Variants in VPS13D observed in about 807,000 individuals in gnomAD.
VPS13D encodes vacuolar protein sorting 13 homolog D, also known as intermembrane lipid transfer protein VPS13D.
Under a neutral mutation model 461.9 loss-of-function variants are expected in VPS13D, and 187 were observed. The ratio of observed to expected loss-of-function variants is 0.40; its 90% CI spans 0.36 to 0.46. VPS13D has a LOEUF of 0.46. VPS13D is among the 20% of genes least tolerant of loss of function. VPS13D has a pLI of 0.60. For missense variants in VPS13D, 4,711 were observed against 5,364.9 expected (o/e 0.88, Z 3.81); for synonymous variants, 1,951 against 1,986.3 (o/e 0.98, Z 0.47).
At chr1:12,310,857 TTCCTTCCCTCCTTCCC>T (rs1360748993) in intron 27 of VPS13D, among the ~76,000 whole-genome samples, 27 of 71,942 alleles carry the variant, frequency 3.8e-4, no homozygotes, top group Middle Eastern at 8.8e-3. Flanking sequence ...CCCTCCTTCC[TTCCTTCCCTCCTTCCC>T]TCCTTCCCTC....
At chr1:12,422,870 C>G (rs1458553078) in intron 65 of VPS13D, among the ~76,000 whole-genome samples, 2 of 141,694 alleles carry the variant, frequency 1.4e-5, no homozygotes, top group African/African-American at 2.6e-5. Context: ...TTTTTTCTTA[C>G]AGGATGTTTT....
At chr1:12,275,763 A>C in intron 18 of VPS13D, 62 bp from the exon 19 acceptor site, 3 of 1,489,190 alleles carry the variant, frequency 2.0e-6, no homozygotes, top group Non-Finnish European at 1.8e-6. Context: ...TAATTATTAC[A>C]TTAAGGGAAA....
At position 12,278,037 on chromosome 1, in the gene VPS13D, A is replaced by G. The variant is rs1641667882; in HGVS notation, c.4449A>G (p.Gln1483=). The G allele has an allele frequency of 6.2e-7, 1 of 1,606,316 alleles. No homozygotes were observed. The highest frequency in any genetic ancestry group is 8.5e-7 in the Non-Finnish European group (1 of 1,176,270). The change falls in exon 19 of 70, where the codon CAA becomes CAG. Residue 1483 remains glutamine (Q), a splice_region_variant and synonymous_variant. Transcript: ENST00000620676. Reference sequence around the variant, plus strand: ...TCTTTGAATCTTTGCATAGAGGTCAAGGTGAGGAGCATCAGTCTTTTGTTC... The same window carrying G: ...TCTTTGAATCTTTGCATAGAGGTCAGGGTGAGGAGCATCAGTCTTTTGTTC... ...HDFFESLHRG[Q]AFHILNNTTI... is the part of the protein sequence containing the mutation.
chr1:12,339,438 T>C (rs565399375), intron 40 of VPS13D, among the ~76,000 whole-genome samples: 56 of 152,188 alleles, frequency 3.7e-4, no homozygotes, highest in Non-Finnish European at 6.9e-4. Flanking sequence ...AAAATTACTG[T>C]GTGAAACAAG....
At chr1:12,443,559 G>T (rs1645154916) in intron 65 of VPS13D, among the ~76,000 whole-genome samples, 2 of 151,950 alleles carry the variant, frequency 1.3e-5, no homozygotes, top group Non-Finnish European at 1.5e-5. Flanking sequence ...TGCTTCCCAG[G>T]CAATGCACAG....
At position 12,335,746 on chromosome 1, in the gene VPS13D, T is replaced by C. The variant is rs753810427; in HGVS notation, c.8470T>C (p.Cys2824Arg). 6.8e-6 allele frequency: 11 copies of C among 1,614,180 alleles called. No individual in the cohort carries two copies. The highest frequency in any genetic ancestry group is 9.3e-6 in the Non-Finnish European group (11 of 1,179,998). The change falls in exon 39 of 70, where the codon TGT becomes CGT. Residue 2824 changes from cysteine to arginine, a missense_variant. Physicochemically the swap from Cys to Arg is radical, Grantham distance 180 (BLOSUM62 -3). Around this residue, in one of 3 missense-constraint regions of VPS13D, gnomAD observed 4,411 missense variants for 4,937.8 expected, o/e 0.89. Transcript: ENST00000620676. ...CAAGGAATCGTGGATGGCAGATTACTGTAAAGATGACAAGGACATAGAGTC... is the reference window on the plus strand; with the variant it reads ...CAAGGAATCGTGGATGGCAGATTACCGTAAAGATGACAAGGACATAGAGTC... ...STKESWMADYCKDDKDIESAK... is the reference protein window; with the variant it reads ...STKESWMADYRKDDKDIESAK...
At chr1:12,323,114 G>C (rs1174424852) in intron 34 of VPS13D, among the ~76,000 whole-genome samples, 3 of 152,170 alleles carry the variant, frequency 2.0e-5, no homozygotes, top group Non-Finnish European at 4.4e-5. Context: ...CTGTCACCCA[G>C]GTTGGAGAGC....
Position 12,234,304 on chromosome 1 carries a change from A to C in VPS13D, c.38A>C (p.Tyr13Ser). ...EGLVAWVLNT[Y>S]LGKYVNNLNT... is the part of the protein sequence containing the mutation. The stretch of plus-strand genomic sequence containing the variant: ...CTTGTAGCCTGGGTTCTCAATACCT[A>C]TTTGGGAAAATATGTCAATAACCTG... Residue 13 changes from tyrosine to serine, a missense_variant, in exon 2 of 70, where the codon TAT becomes TCT. Tyr to Ser is a moderately radical substitution (Grantham distance 144). This residue lies in a region of VPS13D where 4,411 missense variants were observed against 4,937.8 expected (regional missense o/e 0.89). Coordinates refer to ENST00000620676, the MANE Select transcript of VPS13D (RefSeq NM_015378.4). 1 of 1,614,064 alleles carries C rather than the reference A, an allele frequency of 6.2e-7. No homozygotes were observed.
Position 12,283,248 on chromosome 1 carries a change from GTGGAATATCC to G in VPS13D, c.5149_5158del (p.Glu1717IlefsTer41). ...TCAGTCTTGCCCCTCAGTGTCCAAT[GTGGAATATCC>G]TGATATGCCTCGGTCTCTCCCTTCC... On this transcript the variant is annotated frameshift_variant, in exon 21 of 70. Coordinates refer to ENST00000620676, the MANE Select transcript of VPS13D (RefSeq NM_015378.4). LOFTEE classifies it high-confidence loss of function. The G allele has an allele frequency of 6.2e-7, 1 of 1,614,132 alleles. No individual in the cohort carries two copies. The highest frequency in any genetic ancestry group is 8.5e-7 in the Non-Finnish European group (1 of 1,180,022).
chr1:12,449,991 G>A (rs1207920877), intron 65 of VPS13D, among the ~76,000 whole-genome samples: 1 of 152,078 alleles, frequency 6.6e-6, no homozygotes, highest in Non-Finnish European at 1.5e-5. Context: ...CAGGCGTGGT[G>A]GCACACAACT....
chr1:12,265,892 C>T (rs561792378), intron 13 of VPS13D, among the ~76,000 whole-genome samples: 38 of 152,312 alleles, frequency 2.5e-4, no homozygotes, highest in African/African-American at 8.2e-4. Flanking sequence ...GGCGTGGTGG[C>T]TCACGCCTGT....
chr1:12,403,743 T>G, intron 62 of VPS13D, 82 bp from the exon 63 acceptor site: 1 of 1,359,712 alleles, frequency 7.4e-7, no homozygotes, highest in Non-Finnish European at 9.8e-7. Context: ...ATGATTTTTT[T>G]CTATGTGAAT....
chr1:12,376,353 T>A (rs1456508096), intron 55 of VPS13D, among the ~76,000 whole-genome samples: 2 of 152,246 alleles, frequency 1.3e-5, no homozygotes, highest in Non-Finnish European at 2.9e-5. Flanking sequence ...TCTCTCAGTT[T>A]CATTTTTCAA....
chr1:12,385,687 C>T (rs1347679153), intron 59 of VPS13D, among the ~76,000 whole-genome samples: 1 of 152,180 alleles, frequency 6.6e-6, no homozygotes, highest in Non-Finnish European at 1.5e-5. Context: ...TGACATCTTC[C>T]TTCTGTTTTC....
chr1:12,391,184 A>G (rs1003764655), intron 60 of VPS13D, among the ~76,000 whole-genome samples: 3 of 152,198 alleles, frequency 2.0e-5, no homozygotes, highest in Middle Eastern at 3.2e-3. Context: ...GACCAGATGC[A>G]CTGCTCGAAG....
rs1475052067 is a variant in VPS13D, at chr1:12,369,697, C to T, written c.10803C>T (p.Phe3601=). 5 of 1,613,082 alleles carry T rather than the reference C, an allele frequency of 3.1e-6. No individual in the cohort carries two copies. The highest frequency in any genetic ancestry group is 2.2e-5 in the East Asian group (1 of 44,888). ...NFIYIAATYT[F]SGLQEGTGRP... ...TTTACATTGCTGCTACATATACATT[C>T]TCTGGGTAATTCTTGATTAAATTAC... The change falls in exon 54 of 70, where the codon TTC becomes TTT. Residue 3601 remains phenylalanine (F), a synonymous_variant. Transcript: ENST00000620676.
chr1:12,244,192 G>A (rs1390062093), intron 3 of VPS13D, 54 bp from the exon 4 acceptor site: 106 of 1,524,556 alleles, frequency 7.0e-5, no homozygotes, highest in Non-Finnish European at 8.9e-5. Flanking sequence ...CCAAAAAATG[G>A]AAAGAATTAA....
At chr1:12,434,616 A>G (rs991652513) in intron 65 of VPS13D, among the ~76,000 whole-genome samples, 1 of 152,042 alleles carries the variant, frequency 6.6e-6, no homozygotes, top group Non-Finnish European at 1.5e-5. Flanking sequence ...AGTAAGCAGC[A>G]AACTAACTTA....
chr1:12,356,846 G>A (rs1490787565), intron 49 of VPS13D, among the ~76,000 whole-genome samples: 3 of 152,314 alleles, frequency 2.0e-5, no homozygotes, highest in African/African-American at 4.8e-5. Flanking sequence ...TTCTTCCCCT[G>A]TAAACTTGGA....
Sources: allele counts gnomAD v4.1 joint callset (sites outside exome capture counted in the v4.1 genomes callset), GRCh38; gene constraint gnomAD v4.1.1; regional missense constraint gnomAD v4.1.1; transcripts MANE v1.5; gene names NCBI Gene and HGNC (gene_info 2026-07-23, HGNC 2026-07-21).